The following ERI1 variants were observed in gnomAD, a reference collection of about 807,000 sequenced individuals.
The protein encoded by ERI1 is exoribonuclease 1, also known as 3'-5' exoribonuclease 1.
A neutral mutation model predicts 39.7 loss-of-function variants in ERI1; 39 were observed. That is an observed-to-expected ratio of 0.98 (90% CI 0.76 to 1.28). The LOEUF (loss-of-function observed/expected upper bound fraction) is 1.28. Among genes scored for constraint, ERI1 ranks in the 50% most tolerant of loss-of-function variants. ERI1 has a pLI of 0.00. For synonymous variants in ERI1, 204 were observed against 149.6 expected (o/e 1.36, Z -2.65); for missense variants, 581 against 416.9 (o/e 1.39, Z -3.43).
chr8:9,021,797 A>G (rs1273321412), intron 6 of ERI1, among the ~76,000 whole-genome samples: 2 of 113,450 alleles, frequency 1.8e-5, no homozygotes, highest in Admixed American at 9.4e-5. Flanking sequence ...TTTCAATATT[A>G]TGCTTGAGAT....
intron 3 of ERI1, among the ~76,000 whole-genome samples, chr8:9,081,465 T>A (rs950596510): frequency 6.6e-6 from 1 of 152,174 alleles, no homozygotes; most frequent in African/African-American, 2.4e-5. Flanking sequence ...AAATTATTAT[T>A]TTTTTAAAGT....
intron 3 of ERI1, among the ~76,000 whole-genome samples, chr8:9,086,304 A>C (rs1298960428): frequency 6.6e-6 from 1 of 152,166 alleles, no homozygotes; most frequent in African/African-American, 2.4e-5. Flanking sequence ...GGTCCCAGCT[A>C]CTCAGGAGAC....
At chr8:9,028,542 G>C (rs1361693617) in intron 6 of ERI1, among the ~76,000 whole-genome samples, 1 of 152,186 alleles carries the variant, frequency 6.6e-6, no homozygotes, top group Non-Finnish European at 1.5e-5. Flanking sequence ...TGAGGTCCAA[G>C]ATGCATAGGC....
At chr8:9,038,912 G>T (rs1345484631) in intron 3 of ERI1, among the ~76,000 whole-genome samples, 1 of 152,192 alleles carries the variant, frequency 6.6e-6, no homozygotes, top group Non-Finnish European at 1.5e-5. Context: ...AGCTTTACCT[G>T]AAAGGCTTTT....
intron 3 of ERI1, among the ~76,000 whole-genome samples, chr8:9,068,067 G>A (rs1275856167): frequency 6.6e-6 from 1 of 152,146 alleles, no homozygotes. Flanking sequence ...CTAAAAAAGT[G>A]GAGGAAGCAG....
chr8:9,011,099 A>C (rs1816618963), intron 2 of ERI1, among the ~76,000 whole-genome samples: 1 of 152,190 alleles, frequency 6.6e-6, no homozygotes, highest in Non-Finnish European at 1.5e-5. Flanking sequence ...AAGGAAAGAG[A>C]TAATACGATA....
chr8:9,068,002 C>T (rs1345794895), intron 3 of ERI1, among the ~76,000 whole-genome samples: 1 of 152,082 alleles, frequency 6.6e-6, no homozygotes, highest in Admixed American at 6.6e-5. Context: ...AGTCTCCTTC[C>T]CCCAAGCAAG....
chr8:9,050,224 A>G (rs1345916544), intron 3 of ERI1, among the ~76,000 whole-genome samples: 1 of 151,946 alleles, frequency 6.6e-6, no homozygotes, highest in African/African-American at 2.4e-5. Flanking sequence ...TTTCTAGGTC[A>G]AGGCTGGGCG....
intron 3 of ERI1, among the ~76,000 whole-genome samples, chr8:9,070,797 G>A (rs1563371599): frequency 6.6e-6 from 1 of 152,186 alleles, no homozygotes; most frequent in Non-Finnish European, 1.5e-5. Flanking sequence ...TTTTACTAAA[G>A]CTCCATGAAC....
chr8:9,099,020 A>T (rs2117500452), intron 3 of ERI1, among the ~76,000 whole-genome samples: 1 of 152,168 alleles, frequency 6.6e-6, no homozygotes, highest in East Asian at 1.9e-4. Context: ...TTTTTAGTAG[A>T]GACAGGGTTT....
chr8:9,008,663 A>G (rs1816311185), intron 2 of ERI1, among the ~76,000 whole-genome samples: 1 of 152,232 alleles, frequency 6.6e-6, no homozygotes, highest in South Asian at 2.1e-4. Context: ...AACTTAGTCA[A>G]CTGTATGTGT....
intron 6 of ERI1, among the ~76,000 whole-genome samples, chr8:9,024,578 G>A (rs556664026): frequency 1.3e-5 from 2 of 152,052 alleles, no homozygotes; most frequent in South Asian, 2.1e-4. Flanking sequence ...CTCCCACCAT[G>A]CCTGGACTAA....
intron 3 of ERI1, among the ~76,000 whole-genome samples, chr8:9,092,899 G>C (rs1266360384): frequency 6.6e-6 from 1 of 152,208 alleles, no homozygotes; most frequent in African/African-American, 2.4e-5. Context: ...CTGAGGGCTG[G>C]GAGGGAGAAT....
chr8:9,030,278 C>G lies in ERI1; in HGVS notation c.*244C>G, dbSNP rs958139766. Reference sequence around the variant, plus strand: ...ACATAGTAACAGTTCCTGCTTACAACTGAATTTTATAATTTAAGGTGTTCA... The same window carrying G: ...ACATAGTAACAGTTCCTGCTTACAAGTGAATTTTATAATTTAAGGTGTTCA... On this transcript the variant is annotated 3_prime_UTR_variant, in exon 7 of 7. Transcript: ENST00000250263. The G allele has an allele frequency of 4.1e-6, 2 of 491,882 alleles. No individual in the cohort carries two copies. The highest frequency in any genetic ancestry group is 7.2e-6 in the Non-Finnish European group (2 of 277,694). The allele number at this position is 491,882 out of a possible 1,614,324, so 30.5% of individuals were successfully genotyped here. A position where few individuals can be genotyped will look rare whatever the true frequency, so the allele number is the denominator to read the frequency against.
At chr8:9,020,326 T>G in intron 5 of ERI1, 24 bp from the exon 6 acceptor site, 1 of 1,356,112 alleles carries the variant, frequency 7.4e-7, no homozygotes, top group Non-Finnish European at 1.0e-6. Flanking sequence ...TTTCATCAAT[T>G]TTTTGTCCTT....
chr8:9,080,744 C>A (rs886135333), intron 3 of ERI1, among the ~76,000 whole-genome samples: 5 of 152,142 alleles, frequency 3.3e-5, no homozygotes, highest in Non-Finnish European at 7.3e-5. Flanking sequence ...ATTTGCCCCT[C>A]CCCCAAGGCA....
At chr8:9,093,501 C>G (rs942468396) in intron 3 of ERI1, among the ~76,000 whole-genome samples, 3 of 118,480 alleles carry the variant, frequency 2.5e-5, no homozygotes, top group African/African-American at 1.2e-4. Context: ...AAGACCTTGT[C>G]TCTAAAAAAA....
At chr8:9,016,553 A>G (rs1445147210) in intron 4 of ERI1, 148 bp downstream of exon 4, 1 of 412,360 alleles carries the variant, frequency 2.4e-6, no homozygotes, top group Non-Finnish European at 4.2e-6. Flanking sequence ...ATAATTAAAA[A>G]AAAAAAAACA....
rs1797611984 is a variant in ERI1 at position 9,031,840 on chromosome 8, C to G, written c.*1806C>G. The G allele has an allele frequency of 6.6e-6, 1 of 152,390 alleles. No individual in the cohort carries two copies. Among genetic ancestry groups the G allele is most frequent in the South Asian group, 2.1e-4 (1 of 4,828 alleles). 9.4% of individuals were successfully genotyped at this position (152,390 alleles called of 1,614,324 possible). ...TGGTGCGATCTTGGCTCACTGCAAC[C>G]TCCGCCTCCTGGGCTCAGGTGATCC... On this transcript the variant is annotated 3_prime_UTR_variant, in exon 7 of 7. Transcript: ENST00000250263.
Sources: gnomAD v4.1 joint callset for allele counts (sites outside exome capture counted in the v4.1 genomes callset) on GRCh38, gnomAD v4.1.1 for gene constraint, MANE v1.5 for transcripts, NCBI Gene and HGNC (gene_info 2026-07-23, HGNC 2026-07-21) for gene names.